GALNTL6: variants seen among roughly 807,000 people sequenced by gnomAD.
The protein encoded by GALNTL6 is polypeptide N-acetylgalactosaminyltransferase-like 6.
GALNTL6 carries 46 observed loss-of-function variants against 73.7 expected under a neutral mutation model. The observed-to-expected ratio is 0.62, with a 90% CI of 0.49 to 0.80. GALNTL6 has a LOEUF of 0.80. Among genes scored for constraint, GALNTL6 ranks in the 30% least tolerant of loss-of-function variants. GALNTL6 has a pLI of 0.00. For missense variants in GALNTL6, 604 were observed against 755.0 expected (o/e 0.80, Z 2.34); for synonymous variants, 259 against 263.7 (o/e 0.98, Z 0.17).
At chr4:171,988,166 C>A (rs932253812) in intron 2 of GALNTL6, among the ~76,000 whole-genome samples, 1 of 152,150 alleles carries the variant, frequency 6.6e-6, no homozygotes, top group African/African-American at 2.4e-5. Flanking sequence ...GTTGTTTGGA[C>A]AGAAAGGCTA....
At chr4:172,424,931 C>A (rs2111369348) in intron 5 of GALNTL6, among the ~76,000 whole-genome samples, 1 of 151,810 alleles carries the variant, frequency 6.6e-6, no homozygotes, top group South Asian at 2.1e-4. Context: ...CATCTCAAAG[C>A]CAGATGTAGG....
At chr4:171,976,628 G>A (rs1003741319) in intron 2 of GALNTL6, among the ~76,000 whole-genome samples, 4 of 152,142 alleles carry the variant, frequency 2.6e-5, no homozygotes, top group Admixed American at 6.5e-5. Context: ...TTTTGATAGC[G>A]GGTTATGGTG....
intron 10 of GALNTL6, among the ~76,000 whole-genome samples, chr4:173,004,832 G>A (rs1044843634): frequency 1.3e-5 from 2 of 152,034 alleles, no homozygotes; most frequent in Admixed American, 6.5e-5. Context: ...ATTTTTTGCT[G>A]TATACCTGGT....
chr4:172,684,101 C>T (rs1732785594), intron 5 of GALNTL6, among the ~76,000 whole-genome samples: 1 of 152,178 alleles, frequency 6.6e-6, no homozygotes. Flanking sequence ...ACATCTATAT[C>T]TCTCTAGTTA....
At chr4:172,838,327 G>A (rs1333095632) in intron 7 of GALNTL6, among the ~76,000 whole-genome samples, 2 of 152,160 alleles carry the variant, frequency 1.3e-5, no homozygotes, top group African/African-American at 4.8e-5. Flanking sequence ...GGAGTCAAGA[G>A]CCCAGCAACG....
At chr4:171,931,430 G>A (rs563322512) in intron 2 of GALNTL6, among the ~76,000 whole-genome samples, 122 of 152,208 alleles carry the variant, frequency 8.0e-4, no homozygotes, top group African/African-American at 2.9e-3. Context: ...AGTATCCCAG[G>A]ACATTCTTGT....
intron 2 of GALNTL6, among the ~76,000 whole-genome samples, chr4:172,091,814 T>C (rs1172563723): frequency 6.6e-6 from 1 of 152,180 alleles, no homozygotes; most frequent in Non-Finnish European, 1.5e-5. Context: ...TCTGTAAAGC[T>C]ATAGATAGCT....
rs938840152 is a variant in GALNTL6 at position 172,047,616 on chromosome 4, T to G, written c.139-182040T>G. Among the ~76,000 whole-genome samples, 8 of 152,294 alleles carry G rather than the reference T, an allele frequency of 5.3e-5. No individual in the cohort carries two copies. The East Asian group carries it at 1.4e-3, about 26-fold the overall frequency. The stretch of plus-strand genomic sequence containing the variant: ...AATTACTAGAGGTCATTACTTTTCA[T>G]GTTTATTGATTTTTGCAGTCAATAT... On this transcript the variant is annotated intron_variant, in intron 2 of 12. Coordinates refer to ENST00000506823, the MANE Select transcript of GALNTL6 (RefSeq NM_001034845.3).
intron 8 of GALNTL6, among the ~76,000 whole-genome samples, chr4:172,904,802 C>G (rs1422485744): frequency 6.6e-6 from 1 of 151,974 alleles, no homozygotes; most frequent in Non-Finnish European, 1.5e-5. Flanking sequence ...ATCTTTGTTT[C>G]TACTTTGATG....
At chr4:171,830,838 G>T (rs567190309) in intron 2 of GALNTL6, among the ~76,000 whole-genome samples, 3 of 152,154 alleles carry the variant, frequency 2.0e-5, no homozygotes, top group Admixed American at 6.5e-5. Flanking sequence ...CATTGAATTT[G>T]CTCTTTCTTC....
At chr4:172,606,549 GTA>G (rs563209201) in intron 5 of GALNTL6, among the ~76,000 whole-genome samples, 16 of 116,494 alleles carry the variant, frequency 1.4e-4, no homozygotes, top group African/African-American at 3.3e-4. Flanking sequence ...AGAAGGAAGT[GTA>G]TATATATATA....
intron 3 of GALNTL6, among the ~76,000 whole-genome samples, chr4:172,292,808 T>C (rs1017088462): frequency 6.6e-6 from 1 of 152,146 alleles, no homozygotes; most frequent in African/African-American, 2.4e-5. Context: ...TTGAAGGCCT[T>C]TCTACATCCC....
intron 2 of GALNTL6, among the ~76,000 whole-genome samples, chr4:172,190,408 C>T (rs1735540777): frequency 2.6e-5 from 4 of 152,034 alleles, no homozygotes. Flanking sequence ...ACCAAATGTG[C>T]ATTACAAGGG....
intron 5 of GALNTL6, among the ~76,000 whole-genome samples, chr4:172,672,961 T>C (rs1732074273): frequency 6.6e-6 from 1 of 152,152 alleles, no homozygotes; most frequent in African/African-American, 2.4e-5. Flanking sequence ...ATTAATTTTT[T>C]CAAAAAATGA....
chr4:172,887,924 T>A (rs979215818), intron 8 of GALNTL6, among the ~76,000 whole-genome samples: 2 of 152,156 alleles, frequency 1.3e-5, no homozygotes, highest in African/African-American at 4.8e-5. Context: ...CTCATTGTAG[T>A]TTTGATTTGC....
chr4:172,840,554 A>T (rs1049455732), intron 7 of GALNTL6, among the ~76,000 whole-genome samples: 1 of 152,208 alleles, frequency 6.6e-6, no homozygotes, highest in Non-Finnish European at 1.5e-5. Flanking sequence ...TCACACACCA[A>T]CATTTATTGA....
intron 2 of GALNTL6, among the ~76,000 whole-genome samples, chr4:171,855,579 T>C (rs1735666071): frequency 1.3e-5 from 2 of 152,240 alleles, no homozygotes; most frequent in South Asian, 4.1e-4. Flanking sequence ...GCTGTAAATA[T>C]TCTTGCACAG....
Position 172,908,945 on chromosome 4 carries a change from A to G in GALNTL6, c.1042-22216A>G, listed in dbSNP as rs535212306. ...CTAGTTCATAAGAAGAAATAGAATA[A>G]TAAGAAAATTTTGGAGAAAAAATGA... On this transcript the variant is annotated intron_variant, in intron 8 of 12. Transcript: ENST00000506823. Among the ~76,000 whole-genome samples the G allele has an allele frequency of 6.6e-4, 101 of 152,072 alleles. 2 individuals carry two copies. The highest frequency in any genetic ancestry group is 1.3e-3 in the Non-Finnish European group (88 of 67,908).
intron 7 of GALNTL6, among the ~76,000 whole-genome samples, chr4:172,832,222 C>G (rs756419058): frequency 5.9e-4 from 90 of 152,146 alleles, no homozygotes; most frequent in Non-Finnish European, 9.1e-4. Context: ...CTCTCTGCCA[C>G]AGCAAAAATG....
Sources: allele counts gnomAD v4.1 joint callset (sites outside exome capture counted in the v4.1 genomes callset), GRCh38; gene constraint gnomAD v4.1.1; transcripts MANE v1.5; gene names NCBI Gene and HGNC (gene_info 2026-07-23, HGNC 2026-07-21).